The following UROC1 variants were observed in gnomAD, a reference collection of about 807,000 sequenced individuals.
UROC1 encodes the protein urocanate hydratase.
A neutral mutation model predicts 89.5 loss-of-function variants in UROC1; 79 were observed. The observed-to-expected ratio is 0.88, with a 90% CI of 0.74 to 1.06. The LOEUF (loss-of-function observed/expected upper bound fraction) is 1.06. Among genes scored for constraint, UROC1 ranks in the 50% least tolerant of loss-of-function variants. UROC1 has a pLI of 0.00. For missense variants in UROC1, 885 were observed against 907.8 expected (o/e 0.97, Z 0.32); for synonymous variants, 361 against 354.8 (o/e 1.02, Z -0.20).
At chr3:126,499,853 G>A (rs1284683647) in intron 12 of UROC1, among the ~76,000 whole-genome samples, 2 of 152,186 alleles carry the variant, frequency 1.3e-5, no homozygotes, top group African/African-American at 2.4e-5. Context: ...AAAGCACATG[G>A]AGAAACTGAG....
intron 6 of UROC1, among the ~76,000 whole-genome samples, chr3:126,507,136 C>T (rs927974365): frequency 6.6e-6 from 1 of 150,760 alleles, no homozygotes; most frequent in African/African-American, 2.5e-5. Context: ...GAAAAGCTTT[C>T]ATTCCCTGAG....
chr3:126,482,199 C>T lies in UROC1; in HGVS notation c.*146G>A, dbSNP rs1935403600. 5.1e-6 allele frequency: 6 copies of T among 1,187,872 alleles called. No individual in the cohort carries two copies. The highest frequency in any genetic ancestry group is 1.5e-5 in the African/African-American group (1 of 66,220). 73.6% of individuals were successfully genotyped at this position (1,187,872 alleles called of 1,614,324 possible). A position where few individuals can be genotyped will look rare whatever the true frequency, so the allele number is the denominator to read the frequency against. ...TGTCTGTAAAATGAGGCTGTGGTGG[C>T]ACCCTGCACAGGGCACCATAAGGGC... is the stretch of plus-strand genomic sequence containing the variant. On this transcript the variant is annotated 3_prime_UTR_variant, in exon 20 of 20. Coordinates refer to ENST00000290868, the MANE Select transcript of UROC1 (RefSeq NM_144639.3).
intron 18 of UROC1, among the ~76,000 whole-genome samples, chr3:126,486,210 G>A (rs1935512152): frequency 6.6e-6 from 1 of 152,258 alleles, no homozygotes; most frequent in Admixed American, 6.5e-5. Flanking sequence ...CTGCTGCCTA[G>A]AGGCTGCCCG....
intron 12 of UROC1, 53 bp from the exon 13 acceptor site, chr3:126,499,462 C>A (rs1935863662): frequency 1.3e-6 from 2 of 1,553,660 alleles, no homozygotes; most frequent in Non-Finnish European, 8.8e-7. Context: ...CCATGGCCAC[C>A]CTAGATGGCA....
At chr3:126,502,242 T>C (rs1418170435) in intron 9 of UROC1, among the ~76,000 whole-genome samples, 2 of 151,916 alleles carry the variant, frequency 1.3e-5, no homozygotes, top group Admixed American at 6.6e-5. Context: ...TGTGCATGTG[T>C]CTGTGTGTTT....
At position 126,517,480 on chromosome 3, in the gene UROC1, G is replaced by C; in HGVS notation, c.126+114C>G. The C allele has an allele frequency of 2.0e-6, 3 of 1,530,476 alleles. 1 individual carries two copies. In the Admixed American group the frequency reaches 5.2e-5, roughly 26 times the overall value. The allele number at this position is 1,530,476 out of a possible 1,614,324, so 94.8% of individuals were successfully genotyped here. A position where few individuals can be genotyped will look rare whatever the true frequency, so the allele number is the denominator to read the frequency against. On this transcript the variant is annotated intron_variant, in intron 1 of 19. Coordinates refer to ENST00000290868, the MANE Select transcript of UROC1 (RefSeq NM_144639.3). ...CACAGGCTGGAGCCCCTGGAGTCCA[G>C]GGTGGGCGGCTGAGCAGCTCCCACT...
At chr3:126,515,255 C>G (rs1279989504) in intron 1 of UROC1, among the ~76,000 whole-genome samples, 2 of 152,006 alleles carry the variant, frequency 1.3e-5, no homozygotes, top group Admixed American at 6.5e-5. Flanking sequence ...GCATTGGCGC[C>G]CAGCAGGGAG....
rs1188853020 is a variant in UROC1, at chr3:126,498,108, G to A, written c.1381C>T (p.Leu461=). The A allele has an allele frequency of 6.2e-6, 10 of 1,614,066 alleles. No homozygotes were observed. The highest frequency in any genetic ancestry group is 8.5e-6 in the Non-Finnish European group (10 of 1,180,030). ...GTGGCCAGTTCGTCTGTGACCGCCA[G>A]GTCCTGGGGGTCCCCCGATGTGCAC... ...WVCTSGDPQD[L]AVTDELATSV... is the part of the protein sequence containing the mutation. Residue 461 remains leucine, a synonymous_variant, in exon 14 of 20, where the codon CTG becomes TTG. Coordinates refer to ENST00000290868, the MANE Select transcript of UROC1 (RefSeq NM_144639.3).
chr3:126,482,387 C>G lies in UROC1; in HGVS notation c.1989G>C (p.Lys663Asn). ...GCTGGAGCACCCGCTCGTCCTCCACCTTGTGAGGCAGTGTCACCACCAAGG... is the reference window on the plus strand; with the variant it reads ...GCTGGAGCACCCGCTCGTCCTCCACGTTGTGAGGCAGTGTCACCACCAAGG... ...NSTLVVTLPH[K>N]VEDERVLQQA... Residue 663 changes from lysine to asparagine, a missense_variant, in exon 20 of 20, where the codon AAG (lysine) becomes AAC (asparagine). Coordinates refer to ENST00000290868, the MANE Select transcript of UROC1 (RefSeq NM_144639.3). 6.2e-7 allele frequency: 1 copy of G among 1,613,886 alleles called. No homozygotes were observed. Among genetic ancestry groups the G allele is most frequent in the Non-Finnish European group, 8.5e-7 (1 of 1,179,990 alleles).
chr3:126,495,887 A>C, intron 15 of UROC1, 151 bp downstream of exon 15: 1 of 746,686 alleles, frequency 1.3e-6, no homozygotes. Flanking sequence ...GCTGGCACAA[A>C]CAGTCACACA....
chr3:126,492,373 G>A (rs1213027783), intron 16 of UROC1, 45 bp downstream of exon 16: 1 of 1,569,790 alleles, frequency 6.4e-7, no homozygotes, highest in African/African-American at 1.4e-5. Flanking sequence ...AAAGGCAGTG[G>A]GAAGAGGCTG....
chr3:126,511,317 T>A (rs1012573160), intron 1 of UROC1, among the ~76,000 whole-genome samples: 16 of 152,190 alleles, frequency 1.1e-4, no homozygotes, highest in African/African-American at 3.9e-4. Flanking sequence ...CCATACTCCA[T>A]GCAACAAGAC....
chr3:126,492,230 G>T (rs1935671380), intron 16 of UROC1, among the ~76,000 whole-genome samples, 188 bp downstream of exon 16: 1 of 152,206 alleles, frequency 6.6e-6, no homozygotes, highest in African/African-American at 2.4e-5. Context: ...CTCAGCCATG[G>T]AAGAGCTAAG....
intron 9 of UROC1, chr3:126,501,959 C>A (rs748463085): frequency 1.3e-6 from 2 of 1,582,294 alleles, no homozygotes; most frequent in Non-Finnish European, 8.6e-7. Context: ...CTGTGGGAAC[C>A]GTGAGCAGAG....
At chr3:126,497,185 C>T (rs1030774056) in intron 14 of UROC1, among the ~76,000 whole-genome samples, 2 of 152,218 alleles carry the variant, frequency 1.3e-5, no homozygotes, top group African/African-American at 2.4e-5. Context: ...CCCAGCCCAC[C>T]GAACATGGCC....
chr3:126,511,344 T>C (rs75659393), intron 1 of UROC1, among the ~76,000 whole-genome samples: 1 of 152,210 alleles, frequency 6.6e-6, no homozygotes, highest in African/African-American at 2.4e-5. Flanking sequence ...CCCACGTGGG[T>C]TCTAATACAT....
intron 17 of UROC1, among the ~76,000 whole-genome samples, 176 bp from the exon 18 acceptor site, chr3:126,488,455 G>A (rs1464737788): frequency 2.0e-5 from 3 of 152,248 alleles, no homozygotes; most frequent in Non-Finnish European, 4.4e-5. Flanking sequence ...CAGAGCTGGA[G>A]CTAGAGTGGG....
intron 1 of UROC1, among the ~76,000 whole-genome samples, chr3:126,514,259 T>C (rs147604841): frequency 0.018 from 2,810 of 152,242 alleles, 27 homozygotes; most frequent in African/African-American, 0.033. Context: ...ACATTGGTAG[T>C]GATGGGGACA....
intron 18 of UROC1, among the ~76,000 whole-genome samples, chr3:126,483,956 A>C (rs1046927959): frequency 1.3e-5 from 2 of 152,188 alleles, no homozygotes; most frequent in East Asian, 1.9e-4. Flanking sequence ...GCCTGAAGCA[A>C]TCCTCTTGCT....
Sources: gnomAD v4.1 joint callset for allele counts (sites outside exome capture counted in the v4.1 genomes callset) on GRCh38, gnomAD v4.1.1 for gene constraint, MANE v1.5 for transcripts, NCBI Gene and HGNC (gene_info 2026-07-23, HGNC 2026-07-21) for gene names.